Variants in PARM1 observed in about 807,000 individuals in gnomAD.
PARM1 encodes the protein prostate androgen-regulated mucin-like protein 1, also known as WSC4, cell wall integrity and stress response component 4 homolog.
PARM1 carries 14 observed loss-of-function variants against 24.6 expected under a neutral mutation model. That is an observed-to-expected ratio of 0.57 (90% confidence interval 0.38 to 0.89). The LOEUF (loss-of-function observed/expected upper bound fraction) is 0.89. Among genes scored for constraint, PARM1 ranks in the 40% least tolerant of loss-of-function variants. The pLI, the probability that PARM1 is intolerant of heterozygous loss-of-function variation, is 0.00. For missense variants in PARM1, 362 were observed against 380.4 expected (o/e 0.95, Z 0.40); for synonymous variants, 179 against 156.6 (o/e 1.14, Z -1.07).
At chr4:74,969,199 A>C (rs1721971778) in intron 1 of PARM1, among the ~76,000 whole-genome samples, 1 of 152,178 alleles carries the variant, frequency 6.6e-6, no homozygotes, top group Non-Finnish European at 1.5e-5. Context: ...CACTTACAGA[A>C]GTACCCAGAG....
At chr4:74,961,046 G>A (rs1721763635) in intron 1 of PARM1, among the ~76,000 whole-genome samples, 1 of 151,704 alleles carries the variant, frequency 6.6e-6, no homozygotes, top group South Asian at 2.1e-4. Flanking sequence ...AAAGTGATGT[G>A]GAGAAAGTCA....
Position 75,012,484 on chromosome 4 carries a change from A to G in PARM1, c.103A>G (p.Ile35Val). ...APLSVSLPTNIVPPTTIWTSS... is the reference protein window; with the variant it reads ...APLSVSLPTNVVPPTTIWTSS... The stretch of plus-strand genomic sequence containing the variant: ...TTTGTCTGTTTCTCTTCCGACAAAC[A>G]TTGTACCACCGACCACCATCTGGAC... Residue 35 changes from isoleucine to valine, a missense_variant, in exon 2 of 4, where the codon ATT becomes GTT. Ile to Val is a conservative substitution (Grantham distance 29, BLOSUM62 3). Transcript: ENST00000307428. 5 of 1,613,944 alleles carry G rather than the reference A, an allele frequency of 3.1e-6. No individual in the cohort carries two copies. Among genetic ancestry groups the G allele is most frequent in the Non-Finnish European group, 4.2e-6 (5 of 1,179,886 alleles).
Position 75,016,648 on chromosome 4 carries a change from A to G in PARM1, c.769+3498A>G, listed in dbSNP as rs184944466. On this transcript the variant is annotated intron_variant, in intron 2 of 3. Coordinates refer to ENST00000307428, the MANE Select transcript of PARM1 (RefSeq NM_015393.4). ...TCTGACTCAGATGATCACTGCCCTC[A>G]TCGTTAAAGCACTGGCTCTGCTCGA... Among the ~76,000 whole-genome samples the G allele has an allele frequency of 1.9e-3, 289 of 152,098 alleles. 2 individuals carry two copies. The highest frequency in any genetic ancestry group is 6.6e-3 in the African/African-American group (275 of 41,476).
chr4:75,007,432 T>A lies in PARM1; in HGVS notation c.44-4993T>A, dbSNP rs141496124. Among the ~76,000 whole-genome samples, 948 of 152,252 alleles carry A rather than the reference T, an allele frequency of 6.2e-3. 3 individuals carry two copies. The highest frequency in any genetic ancestry group is 9.9e-3 in the Non-Finnish European group (672 of 68,004). ...GGGGGTCACAGGGCAGGAGTTCTAG[T>A]TCTGACTCTGTTGCTGCACAGTTCT... On this transcript the variant is annotated intron_variant, in intron 1 of 3. Coordinates refer to ENST00000307428, the MANE Select transcript of PARM1 (RefSeq NM_015393.4).
intron 1 of PARM1, among the ~76,000 whole-genome samples, chr4:74,943,090 G>A (rs1721343803): frequency 6.6e-6 from 1 of 152,122 alleles, no homozygotes; most frequent in African/African-American, 2.4e-5. Context: ...TAAAACTTTT[G>A]TCAAATGTCA....
At chr4:74,995,110 A>AC (rs1722552748) in intron 1 of PARM1, among the ~76,000 whole-genome samples, 1 of 152,220 alleles carries the variant, frequency 6.6e-6, no homozygotes, top group Non-Finnish European at 1.5e-5. Context: ...AAATACACTT[A>AC]GAGAAGATTA....
intron 1 of PARM1, among the ~76,000 whole-genome samples, chr4:74,998,196 C>T (rs1024890659): frequency 2.6e-5 from 4 of 152,184 alleles, no homozygotes; most frequent in Non-Finnish European, 5.9e-5. Flanking sequence ...GAGATACTGA[C>T]AGTTGCAGCA....
intron 1 of PARM1, among the ~76,000 whole-genome samples, chr4:74,972,354 A>C (rs1722054908): frequency 6.6e-6 from 1 of 152,242 alleles, no homozygotes. Flanking sequence ...ACTCATATTC[A>C]TTCACTTAGT....
At chr4:74,963,128 T>C (rs1425606786) in intron 1 of PARM1, among the ~76,000 whole-genome samples, 1 of 152,240 alleles carries the variant, frequency 6.6e-6, no homozygotes, top group Non-Finnish European at 1.5e-5. Flanking sequence ...CTGTAAGTTT[T>C]CTGAGGCTTC....
intron 3 of PARM1, 137 bp from the exon 4 acceptor site, chr4:75,046,026 T>C: frequency 1.7e-6 from 1 of 601,214 alleles, no homozygotes; most frequent in Non-Finnish European, 3.0e-6. Context: ...TGGGTGGGTC[T>C]GCTGTCCTAG....
intron 1 of PARM1, among the ~76,000 whole-genome samples, chr4:74,978,220 C>T (rs1722174438): frequency 1.3e-5 from 2 of 152,128 alleles, no homozygotes; most frequent in Admixed American, 6.5e-5. Context: ...ATTCAAGAGA[C>T]CCATCTCATG....
intron 1 of PARM1, chr4:74,955,910 A>G (rs1578026786): frequency 6.6e-6 from 1 of 152,336 alleles, no homozygotes; most frequent in East Asian, 1.9e-4. Flanking sequence ...GTATTTTGGA[A>G]GCTACTTATG....
At chr4:74,946,126 C>G (rs1232632375) in intron 1 of PARM1, among the ~76,000 whole-genome samples, 1 of 152,216 alleles carries the variant, frequency 6.6e-6, no homozygotes, top group Non-Finnish European at 1.5e-5. Context: ...GTACGCAGTA[C>G]TATTCCCATT....
chr4:74,956,113 G>C (rs763327696), intron 1 of PARM1: 3 of 152,150 alleles, frequency 2.0e-5, no homozygotes, highest in Non-Finnish European at 4.4e-5. Flanking sequence ...GAGCTTTCAG[G>C]TGGAACACCT....
At chr4:74,967,739 G>A (rs1721935233) in intron 1 of PARM1, 1 of 152,186 alleles carries the variant, frequency 6.6e-6, no homozygotes, top group Non-Finnish European at 1.5e-5. Context: ...GTAAAGTCTT[G>A]TTCTGCTGTC....
rs1312801153 is a variant in PARM1, at chr4:75,015,965, C to G, written c.769+2815C>G. ...CTGCCTTTAGTAGTGGCAGTAATAA[C>G]ACCACATTTTGCATAGCATTTTGTC... is the stretch of plus-strand genomic sequence containing the variant. On this transcript the variant is annotated intron_variant, in intron 2 of 3. Transcript: ENST00000307428. Among the ~76,000 whole-genome samples, 4 of 152,326 alleles carry G rather than the reference C, an allele frequency of 2.6e-5. No homozygotes were observed. The East Asian group carries it at 5.8e-4, about 22-fold the overall frequency.
Position 75,049,419 on chromosome 4 carries a change from A to G in PARM1, c.*3172A>G, listed in dbSNP as rs951537322. On this transcript the variant is annotated 3_prime_UTR_variant, in exon 4 of 4. Transcript: ENST00000307428. ...CAGTTTCTTGTTTGCTGTGATACTA[A>G]TGTGTTGTTTTAACTTATTCCATAA... 6.6e-6 allele frequency: 1 copy of G among 152,180 alleles called. No homozygotes were observed. The highest frequency in any genetic ancestry group is 2.4e-5 in the African/African-American group (1 of 41,442). The allele number at this position is 152,180 out of a possible 1,614,324, so 9.4% of individuals were successfully genotyped here. A position where few individuals can be genotyped will look rare whatever the true frequency, so the allele number is the denominator to read the frequency against.
At chr4:74,955,031 A>G (rs559833812) in intron 1 of PARM1, among the ~76,000 whole-genome samples, 1 of 152,324 alleles carries the variant, frequency 6.6e-6, no homozygotes, top group South Asian at 2.1e-4. Flanking sequence ...TAAAAGGAGC[A>G]CTAGATTAAT....
chr4:74,982,946 A>G (rs1327751065), intron 1 of PARM1, among the ~76,000 whole-genome samples: 1 of 152,126 alleles, frequency 6.6e-6, no homozygotes, highest in African/African-American at 2.4e-5. Context: ...ATCTTTTCCT[A>G]CTTTTCTGTT....
Sources: allele counts gnomAD v4.1 joint callset (sites outside exome capture counted in the v4.1 genomes callset), GRCh38; gene constraint gnomAD v4.1.1; transcripts MANE v1.5; gene names NCBI Gene and HGNC (gene_info 2026-07-23, HGNC 2026-07-21).